GSG1L: variants seen among roughly 807,000 people sequenced by gnomAD.
GSG1L encodes the protein GSG1 like, also known as germ cell-specific gene 1-like protein.
In GSG1L, 24 loss-of-function variants were observed where a neutral mutation model predicts 42.1. The observed-to-expected ratio is 0.57, with a 90% CI of 0.41 to 0.80. The LOEUF (loss-of-function observed/expected upper bound fraction) is 0.80, where lower values mean the gene tolerates loss of function less well. Ranked by LOEUF, GSG1L falls within the 30% of genes least tolerant of loss-of-function variation. GSG1L has a pLI of 0.00. For synonymous variants in GSG1L, 215 were observed against 203.5 expected (o/e 1.06, Z -0.48); for missense variants, 445 against 472.2 (o/e 0.94, Z 0.53).
At chr16:27,843,136 T>C (rs192135410) in intron 4 of GSG1L, among the ~76,000 whole-genome samples, 213 of 152,294 alleles carry the variant, frequency 1.4e-3, no homozygotes, top group African/African-American at 5.1e-3. Flanking sequence ...TCAGTTAATA[T>C]GTGTTAAATG....
chr16:27,905,111 C>T (rs1005416304), intron 2 of GSG1L, among the ~76,000 whole-genome samples: 7 of 152,324 alleles, frequency 4.6e-5, no homozygotes, highest in Non-Finnish European at 1.0e-4. Context: ...GAAACCCAAT[C>T]ATGATTGAGT....
chr16:27,823,326 C>T (rs1289719717), intron 5 of GSG1L, among the ~76,000 whole-genome samples: 2 of 152,150 alleles, frequency 1.3e-5, no homozygotes, highest in African/African-American at 4.8e-5. Context: ...CATGCATACG[C>T]ACACGCACAC....
Position 28,030,322 on chromosome 16 carries a change from G to A in GSG1L, c.349+32754C>T, listed in dbSNP as rs143223974. On this transcript the variant is annotated intron_variant, in intron 1 of 6. Transcript: ENST00000447459. Reference sequence around the variant, plus strand: ...ACACCTCAGTGGCAAGCTTAGGGATGGACCCAAGCCCAACAAATGAGAGCC... The same window carrying A: ...ACACCTCAGTGGCAAGCTTAGGGATAGACCCAAGCCCAACAAATGAGAGCC... Among the ~76,000 whole-genome samples, 5 of 152,266 alleles carry A rather than the reference G, an allele frequency of 3.3e-5. No individual in the cohort carries two copies. In the East Asian group the frequency reaches 9.7e-4, roughly 29 times the overall value.
intron 1 of GSG1L, among the ~76,000 whole-genome samples, chr16:27,979,700 AAGG>A (rs1434310785): frequency 1.5e-4 from 7 of 46,568 alleles, no homozygotes; most frequent in Non-Finnish European, 2.4e-4. Flanking sequence ...GGAAGGAAGG[AAGG>A]AAGGAAGGAA....
At chr16:27,925,598 G>A (rs4454981) in intron 2 of GSG1L, among the ~76,000 whole-genome samples, 53,211 of 151,992 alleles carry the variant, frequency 0.35, 9,674 homozygotes, top group South Asian at 0.44. Flanking sequence ...CAGGAGAGAG[G>A]TGGGTGCAGG....
chr16:27,861,564 T>C (rs2083652241), intron 3 of GSG1L, among the ~76,000 whole-genome samples: 1 of 152,094 alleles, frequency 6.6e-6, no homozygotes. Context: ...GACAAGGGTA[T>C]TCACTATAGC....
At chr16:28,058,636 A>AAC (rs61132489) in intron 1 of GSG1L, among the ~76,000 whole-genome samples, 2 of 135,684 alleles carry the variant, frequency 1.5e-5, no homozygotes, top group African/African-American at 5.5e-5. Flanking sequence ...AAAAAAAAAA[A>AAC]CAAACAAACC....
chr16:27,856,425 C>G (rs531014651), intron 3 of GSG1L, among the ~76,000 whole-genome samples: 163 of 152,294 alleles, frequency 1.1e-3, no homozygotes, highest in Middle Eastern at 3.4e-3. Flanking sequence ...GCGAGCCCCC[C>G]ACCTCAGCCT....
At chr16:27,892,746 C>T (rs1021670898) in intron 2 of GSG1L, among the ~76,000 whole-genome samples, 1 of 145,718 alleles carries the variant, frequency 6.9e-6, no homozygotes, top group Non-Finnish European at 1.5e-5. Context: ...GCTGAGATCG[C>T]GCCATTGCAC....
At chr16:27,889,352 G>A (rs1246076731) in intron 2 of GSG1L, among the ~76,000 whole-genome samples, 1 of 152,144 alleles carries the variant, frequency 6.6e-6, no homozygotes, top group East Asian at 1.9e-4. Context: ...GCATCCGTCT[G>A]AGAGTTTCAG....
chr16:27,878,551 T>C (rs1057099115), intron 3 of GSG1L, among the ~76,000 whole-genome samples: 17 of 151,892 alleles, frequency 1.1e-4, no homozygotes, highest in Non-Finnish European at 2.9e-5. Flanking sequence ...GACACAGAGG[T>C]AAACCATATC....
chr16:27,976,976 C>T (rs1332154207), intron 1 of GSG1L, among the ~76,000 whole-genome samples: 1 of 152,160 alleles, frequency 6.6e-6, no homozygotes, highest in Non-Finnish European at 1.5e-5. Context: ...GTGGCTTGGC[C>T]CCTCTGCTAA....
At chr16:28,008,119 A>G (rs1056276194) in intron 1 of GSG1L, among the ~76,000 whole-genome samples, 1 of 151,870 alleles carries the variant, frequency 6.6e-6, no homozygotes, top group Non-Finnish European at 1.5e-5. Context: ...GTCTCTTGTC[A>G]CCCAGGCTGG....
intron 3 of GSG1L, among the ~76,000 whole-genome samples, chr16:27,871,559 G>A (rs1350381104): frequency 6.6e-6 from 1 of 152,120 alleles, no homozygotes; most frequent in African/African-American, 2.4e-5. Flanking sequence ...GATCACCTGA[G>A]CTCAGGGGGG....
intron 4 of GSG1L, among the ~76,000 whole-genome samples, chr16:27,832,215 A>G (rs761455661): frequency 1.6e-4 from 25 of 152,232 alleles, no homozygotes; most frequent in Non-Finnish European, 3.1e-4. Context: ...GAAATGATAT[A>G]GAGAGAGAAC....
chr16:27,858,547 T>C (rs777093166), intron 3 of GSG1L, among the ~76,000 whole-genome samples: 2 of 152,176 alleles, frequency 1.3e-5, no homozygotes, highest in Non-Finnish European at 2.9e-5. Flanking sequence ...TTCTGGATGA[T>C]AGGCTGTCTT....
intron 2 of GSG1L, among the ~76,000 whole-genome samples, chr16:27,920,653 T>C (rs1156900810): frequency 6.6e-6 from 1 of 152,220 alleles, no homozygotes; most frequent in Non-Finnish European, 1.5e-5. Context: ...GAAGTCACTG[T>C]TCATCACGGC....
intron 1 of GSG1L, among the ~76,000 whole-genome samples, chr16:28,025,053 C>T (rs2085885006): frequency 6.6e-6 from 1 of 152,226 alleles, no homozygotes; most frequent in Non-Finnish European, 1.5e-5. Flanking sequence ...ATAGGAGCTC[C>T]TGTGCAGAAC....
chr16:28,049,447 A>G (rs1401698168), intron 1 of GSG1L, among the ~76,000 whole-genome samples: 4 of 152,076 alleles, frequency 2.6e-5, no homozygotes, highest in Admixed American at 2.6e-4. Flanking sequence ...TTGGGAGGCC[A>G]AGGCAGGAGG....
Sources: gnomAD v4.1 joint callset for allele counts (sites outside exome capture counted in the v4.1 genomes callset) on GRCh38, gnomAD v4.1.1 for gene constraint, MANE v1.5 for transcripts, NCBI Gene and HGNC (gene_info 2026-07-23, HGNC 2026-07-21) for gene names.